Variants in DNM1L observed in about 807,000 individuals in gnomAD.
DNM1L encodes dynamin 1L, also known as dynamin-1-like protein.
A neutral mutation model predicts 92.8 loss-of-function variants in DNM1L; 33 were observed. That is an observed-to-expected ratio of 0.36 (90% CI 0.27 to 0.48). DNM1L has a LOEUF of 0.48. Among genes scored for constraint, DNM1L ranks in the 20% least tolerant of loss-of-function variants. The pLI is 0.99. For missense variants in DNM1L, 485 were observed against 888.8 expected, an observed-to-expected ratio of 0.55 and a Z score of 5.78; for synonymous variants, 284 against 305.0, an observed-to-expected ratio of 0.93 and a Z score of 0.72.
rs555231598 is a variant in DNM1L, at chr12:32,743,020, C to T, written c.2154+272C>T. 1.5e-3 allele frequency among the ~76,000 whole-genome samples: 231 copies of T among 151,176 alleles called. 1 individual carries two copies. Among genetic ancestry groups the T allele is most frequent in the African/African-American group, 5.4e-3 (224 of 41,124 alleles). Reference sequence around the variant, plus strand: ...ACGCCATTCTCCTGCCTCAGCCTCCCGAGTAGCTGGGACTACAGGCGCCCA... The same window carrying T: ...ACGCCATTCTCCTGCCTCAGCCTCCTGAGTAGCTGGGACTACAGGCGCCCA... On this transcript the variant is annotated intron_variant, in intron 19 of 19. Coordinates refer to ENST00000549701, the MANE Select transcript of DNM1L (RefSeq NM_012062.5).
At position 32,731,566 on chromosome 12, in the gene DNM1L, G is replaced by A; in HGVS notation, c.1356+55G>A. The A allele has an allele frequency of 6.2e-7, 1 of 1,605,956 alleles. No homozygotes were observed. Among genetic ancestry groups the A allele is most frequent in the Admixed American group, 1.7e-5 (1 of 59,866 alleles). ...ATGAACTAGAAAAGGACATGAAGTG[G>A]TGGTTTCACTGGGTGGAAGGAAATG... On this transcript the variant is annotated intron_variant, in intron 11 of 19. Coordinates refer to ENST00000549701, the MANE Select transcript of DNM1L (RefSeq NM_012062.5). This position sits in a 1 kb window ranked among gnomAD's most constrained non-coding sequence, Gnocchi z 5.1.
At chr12:32,694,463 A>T (rs1239353211) in intron 1 of DNM1L, among the ~76,000 whole-genome samples, 2 of 152,202 alleles carry the variant, frequency 1.3e-5, no homozygotes, top group East Asian at 1.9e-4. Context: ...TAGCAGAATA[A>T]TGTTTTTAGA....
At chr12:32,698,798 T>C (rs980348580) in intron 1 of DNM1L, among the ~76,000 whole-genome samples, 3 of 152,192 alleles carry the variant, frequency 2.0e-5, no homozygotes, top group African/African-American at 7.2e-5. Context: ...TCGCATTAGC[T>C]GTTAGTATTG....
In DNM1L at chr12:32,737,158, C is replaced by T. The variant is rs201512377; in HGVS notation, c.1593C>T (p.Asp531=). The T allele has an allele frequency of 3.7e-6, 6 of 1,613,560 alleles. No individual in the cohort carries two copies. The highest frequency in any genetic ancestry group is 1.3e-5 in the African/African-American group (1 of 74,976). ...ARELPSAVSR[D]KSSKVPSALA... ...AATTACCTTCAGCTGTATCACGAGA[C>T]AAGGTAAAAAAATGTTTTTAATGCA... The change falls in exon 14 of 20, where the codon GAC becomes GAT. Residue 531 remains aspartate, a synonymous_variant. Transcript: ENST00000549701.
At chr12:32,698,465 G>T (rs1342181729) in intron 1 of DNM1L, among the ~76,000 whole-genome samples, 2 of 152,056 alleles carry the variant, frequency 1.3e-5, no homozygotes, top group African/African-American at 4.8e-5. Context: ...TACTAGCCTG[G>T]GTTACTGCAT....
chr12:32,692,894 T>G (rs529790455), intron 1 of DNM1L: 21 of 152,074 alleles, frequency 1.4e-4, no homozygotes, highest in African/African-American at 4.8e-4. Context: ...TACACACATA[T>G]AATCCCAGTT....
chr12:32,684,641 G>GT (rs1170462606), intron 1 of DNM1L, among the ~76,000 whole-genome samples: 1 of 151,868 alleles, frequency 6.6e-6, no homozygotes, highest in African/African-American at 2.4e-5. Flanking sequence ...TAATTTTTTT[G>GT]TATTTTTAGT....
At chr12:32,706,300 C>G (rs1028578773) in intron 2 of DNM1L, among the ~76,000 whole-genome samples, 3 of 152,178 alleles carry the variant, frequency 2.0e-5, no homozygotes, top group African/African-American at 4.8e-5. Flanking sequence ...AAAGGACCGA[C>G]TCACTCTTCT....
At position 32,745,550 on chromosome 12, in the gene DNM1L, A is replaced by T. The variant is rs541786635; in HGVS notation, c.*2140A>T. The stretch of plus-strand genomic sequence containing the variant: ...AAAATTGCTGGTATGAAATGACACT[A>T]AAGTTTGTCAAAAAATGAATTCTTA... On this transcript the variant is annotated 3_prime_UTR_variant, in exon 20 of 20. Coordinates refer to ENST00000549701, the MANE Select transcript of DNM1L (RefSeq NM_012062.5). 6.6e-6 allele frequency: 1 copy of T among 152,552 alleles called. No homozygotes were observed. Among genetic ancestry groups the T allele is most frequent in the East Asian group, 1.9e-4 (1 of 5,188 alleles). 9.4% of individuals were successfully genotyped at this position (152,552 alleles called of 1,614,324 possible). A position where few individuals can be genotyped will look rare whatever the true frequency, so the allele number is the denominator to read the frequency against.
At chr12:32,686,067 T>TTTTTTG (rs1952000382) in intron 1 of DNM1L, among the ~76,000 whole-genome samples, 1 of 147,726 alleles carries the variant, frequency 6.8e-6, no homozygotes, top group Non-Finnish European at 1.5e-5. Context: ...TTTTTTTTTT[T>TTTTTTG]GAGATGGAGT....
intron 19 of DNM1L, 38 bp from the exon 20 acceptor site, chr12:32,743,316 T>C (rs1000551758): frequency 1.9e-6 from 3 of 1,580,814 alleles, no homozygotes; most frequent in Non-Finnish European, 2.6e-6. Context: ...TTCATAACTT[T>C]ATAATAAGCA....
rs1286676176 is a variant in DNM1L at position 32,742,706 on chromosome 12, G to A, written c.2112G>A (p.Glu704=). The change falls in exon 19 of 20, where the codon GAG becomes GAA. Residue 704 remains glutamate (E), a synonymous_variant. Transcript: ENST00000549701. Reference sequence around the variant, plus strand: ...TGGATGATCTTCTGACAGAATCTGAGGACATGGCACAGCGCAGGAAAGAAG... The same window carrying A: ...TGGATGATCTTCTGACAGAATCTGAAGACATGGCACAGCGCAGGAAAGAAG... ...SLLDDLLTES[E]DMAQRRKEAA... The A allele has an allele frequency of 1.6e-5, 26 of 1,613,936 alleles. No individual in the cohort carries two copies. Among genetic ancestry groups the A allele is most frequent in the Non-Finnish European group, 2.1e-5 (25 of 1,180,020 alleles).
chr12:32,716,250 G>GA (rs1953360072), intron 6 of DNM1L, among the ~76,000 whole-genome samples: 1 of 151,154 alleles, frequency 6.6e-6, no homozygotes, highest in Non-Finnish European at 1.5e-5. Context: ...GGTGGGGGGG[G>GA]GTGGCAATGT....
chr12:32,728,122 C>A (rs991505672), intron 9 of DNM1L: 2 of 152,218 alleles, frequency 1.3e-5, no homozygotes, highest in Admixed American at 6.5e-5. Flanking sequence ...CCCATCTCCC[C>A]CACTGTTGGA....
chr12:32,740,479 A>C lies in DNM1L; in HGVS notation c.1955A>C (p.Lys652Thr). The C allele has an allele frequency of 6.2e-7, 1 of 1,614,026 alleles. No individual in the cohort carries two copies. The highest frequency in any genetic ancestry group is 8.5e-7 in the Non-Finnish European group (1 of 1,179,944). The change falls in exon 18 of 20, where the codon AAA becomes ACA. Residue 652 changes from lysine (K) to threonine (T), a missense_variant. Physicochemically the swap from Lys to Thr is moderately conservative, Grantham distance 78. This residue lies in a region of DNM1L where 133 missense variants were observed against 210.9 expected (regional missense o/e 0.63). Transcript: ENST00000549701. ...RDCEVIERLIKSYFLIVRKNI... is the reference protein window; with the variant it reads ...RDCEVIERLITSYFLIVRKNI... ...TGTGAGGTTATTGAACGACTCATTA[A>C]ATCATATTTTCTCATTGTCAGAAAG...
intron 9 of DNM1L, chr12:32,725,696 C>G (rs1377692320): frequency 6.6e-6 from 1 of 152,258 alleles, no homozygotes. Context: ...ACCACCGTCT[C>G]CCGGGTTCAA....
intron 16 of DNM1L, among the ~76,000 whole-genome samples, chr12:32,738,922 C>T (rs1220393139): frequency 1.3e-5 from 2 of 152,162 alleles, no homozygotes; most frequent in Non-Finnish European, 2.9e-5. Context: ...GTCTTATCTT[C>T]TCTCAGCCCA....
rs1258290590 is a variant in DNM1L, at chr12:32,745,301, A to G, written c.*1891A>G. ...TGTAAGGGGAAAAAAAACAAAAACAAAAACTTACGATGCACTTTTCTCCAG... is the reference window on the plus strand; with the variant it reads ...TGTAAGGGGAAAAAAAACAAAAACAGAAACTTACGATGCACTTTTCTCCAG... On this transcript the variant is annotated 3_prime_UTR_variant, in exon 20 of 20. Coordinates refer to ENST00000549701, the MANE Select transcript of DNM1L (RefSeq NM_012062.5). 1 of 227,446 alleles carries G rather than the reference A, an allele frequency of 4.4e-6. No homozygotes were observed. Among genetic ancestry groups the G allele is most frequent in the South Asian group, 6.0e-5 (1 of 16,578 alleles). 14.1% of individuals were successfully genotyped at this position (227,446 alleles called of 1,614,324 possible).
rs1384598433 is a variant in DNM1L at position 32,727,437 on chromosome 12, A to G, written c.1080-3577A>G. On this transcript the variant is annotated intron_variant, in intron 9 of 19. Transcript: ENST00000549701. ...GCCAGGCGGCTGGAGCTGTGCAGGCAGTGACTCAGGGCAGCAGTGGTGGTG... is the reference window on the plus strand; with the variant it reads ...GCCAGGCGGCTGGAGCTGTGCAGGCGGTGACTCAGGGCAGCAGTGGTGGTG... The G allele has an allele frequency of 6.1e-6, 4 of 652,084 alleles. No homozygotes were observed. The African/African-American group carries it at 7.3e-5, about 12-fold the overall frequency. The allele number at this position is 652,084 out of a possible 1,614,324, so 40.4% of individuals were successfully genotyped here.
Sources: gnomAD v4.1 joint callset for allele counts (sites outside exome capture counted in the v4.1 genomes callset) on GRCh38, gnomAD v4.1.1 for gene constraint, gnomAD v4.1.1 regional missense constraint, Gnocchi (gnomAD v3.1) non-coding constraint, MANE v1.5 for transcripts, NCBI Gene and HGNC (gene_info 2026-07-23, HGNC 2026-07-21) for gene names.